Variants in EPB41L4A observed in about 807,000 individuals in gnomAD.
EPB41L4A encodes the protein band 4.1-like protein 4A.
Under a neutral mutation model 108.6 loss-of-function variants are expected in EPB41L4A, and 100 were observed. That is an observed-to-expected ratio of 0.92 (90% confidence interval 0.78 to 1.09). The LOEUF (loss-of-function observed/expected upper bound fraction) is 1.09. Ranked by LOEUF, EPB41L4A falls within the 50% of genes least tolerant of loss-of-function variation. The pLI, the probability that EPB41L4A is intolerant of heterozygous loss-of-function variation, is 0.00. For synonymous variants in EPB41L4A, 319 were observed against 289.0 expected (o/e 1.10, Z -1.05); for missense variants, 1,030 against 842.7 (o/e 1.22, Z -2.75).
chr5:112,419,651 T>C, upstream of EPB41L4A: 1 of 456,284 alleles, frequency 2.2e-6, no homozygotes, highest in Middle Eastern at 3.4e-4. Context: ...GCCCCGACCA[T>C]GGGCGCAGGG....
intron 12 of EPB41L4A, 90 bp downstream of exon 12, chr5:112,234,544 A>G: frequency 8.5e-7 from 1 of 1,169,780 alleles, no homozygotes; most frequent in South Asian, 2.5e-5. Context: ...GAAAGACTGT[A>G]GAGTTATAGA....
At chr5:112,176,653 C>A (rs960287694) in intron 18 of EPB41L4A, among the ~76,000 whole-genome samples, 7 of 151,932 alleles carry the variant, frequency 4.6e-5, no homozygotes, top group African/African-American at 1.4e-4. Flanking sequence ...GAGCTAAAAG[C>A]GTCTCACGTG....
At chr5:112,216,638 C>T (rs1056406363) in intron 12 of EPB41L4A, among the ~76,000 whole-genome samples, 3 of 152,038 alleles carry the variant, frequency 2.0e-5, no homozygotes, top group Non-Finnish European at 1.5e-5. Flanking sequence ...ATGCTTAAGA[C>T]AAATAATAAG....
intron 12 of EPB41L4A, among the ~76,000 whole-genome samples, chr5:112,219,287 C>T (rs1446654471): frequency 1.3e-5 from 2 of 152,126 alleles, no homozygotes; most frequent in Non-Finnish European, 2.9e-5. Flanking sequence ...AGTGAGTGAA[C>T]TCTCACAAGA....
chr5:112,200,954 C>T (rs968303590), intron 15 of EPB41L4A, among the ~76,000 whole-genome samples: 1 of 152,110 alleles, frequency 6.6e-6, no homozygotes, highest in African/African-American at 2.4e-5. Context: ...GTATCCAAAG[C>T]AAAATATAAT....
At chr5:112,289,157 G>C (rs1011061874) in intron 2 of EPB41L4A, among the ~76,000 whole-genome samples, 2 of 152,114 alleles carry the variant, frequency 1.3e-5, no homozygotes, top group Non-Finnish European at 1.5e-5. Context: ...TGTAGTGATG[G>C]AAGAGAAGGC....
At chr5:112,372,968 C>T (rs17134418) in intron 1 of EPB41L4A, among the ~76,000 whole-genome samples, 10,914 of 152,170 alleles carry the variant, frequency 0.072, 1,333 homozygotes, top group African/African-American at 0.25. Context: ...CCTTAAAATA[C>T]GTGACATATG....
At chr5:112,161,428 G>T (rs73787784), downstream of EPB41L4A, 62,733 of 480,000 alleles carry the variant, frequency 0.13, 4,554 homozygotes, top group South Asian at 0.16. Context: ...GCTGTAATCG[G>T]CATTACTGTC....
At chr5:112,207,729 T>C (rs190246227) in intron 13 of EPB41L4A, among the ~76,000 whole-genome samples, 164 of 151,810 alleles carry the variant, frequency 1.1e-3, no homozygotes, top group Admixed American at 4.1e-3. Context: ...TAAGACACCA[T>C]CTCCCCAGTC....
At chr5:112,165,463 T>C (rs1281134084) in intron 22 of EPB41L4A, among the ~76,000 whole-genome samples, 1 of 152,156 alleles carries the variant, frequency 6.6e-6, no homozygotes, top group South Asian at 2.1e-4. Flanking sequence ...GATGGAGACT[T>C]GGAGGCAATT....
intron 18 of EPB41L4A, among the ~76,000 whole-genome samples, chr5:112,182,929 T>C (rs922059741): frequency 6.6e-6 from 1 of 152,160 alleles, no homozygotes; most frequent in African/African-American, 2.4e-5. Flanking sequence ...TGTAAGGGTG[T>C]ACATGGTGTA....
At chr5:112,350,574 C>G (rs1006847679) in intron 1 of EPB41L4A, among the ~76,000 whole-genome samples, 5 of 152,200 alleles carry the variant, frequency 3.3e-5, no homozygotes, top group Admixed American at 2.6e-4. Flanking sequence ...AGAAGTTACT[C>G]CTTCCATCCA....
At chr5:112,344,314 T>A (rs961993283) in intron 1 of EPB41L4A, among the ~76,000 whole-genome samples, 1 of 152,114 alleles carries the variant, frequency 6.6e-6, no homozygotes, top group Non-Finnish European at 1.5e-5. Flanking sequence ...TTACAGAAAA[T>A]TCTGTAGGAC....
chr5:112,365,676 G>C (rs1258878632), intron 1 of EPB41L4A, among the ~76,000 whole-genome samples: 1 of 152,120 alleles, frequency 6.6e-6, no homozygotes, highest in Non-Finnish European at 1.5e-5. Context: ...GATTTCACTA[G>C]TTTTCTCCTA....
Position 112,307,505 on chromosome 5 carries a change from C to G in EPB41L4A, c.100-15G>C. The G allele has an allele frequency of 1.3e-6, 2 of 1,583,074 alleles. No individual in the cohort carries two copies. Among genetic ancestry groups the G allele is most frequent in the Non-Finnish European group, 1.7e-6 (2 of 1,153,046 alleles). On this transcript the variant is annotated splice_polypyrimidine_tract_variant and intron_variant, in intron 1 of 22. Transcript: ENST00000261486. ...TTCGTTGACTTCTGCAAAAATAATT[C>G]AGTTTTATATTTTTTAACTGCCCTT...
chr5:112,327,190 A>C (rs963661658), intron 1 of EPB41L4A, among the ~76,000 whole-genome samples: 7 of 152,198 alleles, frequency 4.6e-5, no homozygotes, highest in Non-Finnish European at 7.3e-5. Context: ...CAAGACATTA[A>C]GACTCAAAAT....
At chr5:112,193,353 G>A (rs1430321501) in intron 17 of EPB41L4A, among the ~76,000 whole-genome samples, 1 of 152,066 alleles carries the variant, frequency 6.6e-6, no homozygotes, top group Non-Finnish European at 1.5e-5. Context: ...CCAGGCTGGA[G>A]TGCAATGGCA....
At chr5:112,280,165 A>C (rs1752874941) in intron 3 of EPB41L4A, 107 bp downstream of exon 3, 17 of 874,308 alleles carry the variant, frequency 1.9e-5, no homozygotes, top group Non-Finnish European at 2.9e-5. Context: ...AAGTACTAGT[A>C]TTCACTTCTT....
chr5:112,369,749 C>T (rs1759365417), intron 1 of EPB41L4A, among the ~76,000 whole-genome samples: 1 of 152,170 alleles, frequency 6.6e-6, no homozygotes, highest in Non-Finnish European at 1.5e-5. Flanking sequence ...GAGCCCCTAC[C>T]TTCCTGGGTG....
Sources: allele counts gnomAD v4.1 joint callset (sites outside exome capture counted in the v4.1 genomes callset), GRCh38; gene constraint gnomAD v4.1.1; transcripts MANE v1.5; gene names NCBI Gene and HGNC (gene_info 2026-07-23, HGNC 2026-07-21).